The following RGS5 variants were observed in gnomAD, a reference collection of about 807,000 sequenced individuals.
RGS5 encodes the protein regulator of G protein signaling 5.
A neutral mutation model predicts 18.9 loss-of-function variants in RGS5; 20 were observed. The ratio of observed to expected loss-of-function variants is 1.06; its 90% CI spans 0.74 to 1.54. The LOEUF is 1.54. Ranked by LOEUF, RGS5 falls within the 40% of genes most tolerant of loss-of-function variation. The probability of loss-of-function intolerance (pLI) is 0.00; values close to 1 mark genes in which losing one functional copy is unlikely to be tolerated. For missense variants in RGS5, 201 were observed against 211.8 expected (o/e 0.95, Z 0.32); for synonymous variants, 57 against 76.2 (o/e 0.75, Z 1.31).
At chr1:163,215,542 G>T (rs1660197419) in intron 1 of RGS5, among the ~76,000 whole-genome samples, 1 of 152,108 alleles carries the variant, frequency 6.6e-6, no homozygotes, top group Non-Finnish European at 1.5e-5. Flanking sequence ...TACTTATAAA[G>T]GAGCAAATTA....
intron 1 of RGS5, among the ~76,000 whole-genome samples, chr1:163,182,108 G>A (rs1009053643): frequency 3.3e-5 from 5 of 152,034 alleles, no homozygotes; most frequent in African/African-American, 7.2e-5. Context: ...CCCTATCACC[G>A]TATCTTGCAT....
chr1:163,207,072 A>G (rs1571290584), upstream of RGS5, among the ~76,000 whole-genome samples: 2 of 152,166 alleles, frequency 1.3e-5, no homozygotes, highest in Non-Finnish European at 2.9e-5. Flanking sequence ...AATTCTCACA[A>G]CAAAAGCATG....
At chr1:163,167,754 T>C (rs1658115616) in intron 2 of RGS5, among the ~76,000 whole-genome samples, 1 of 152,220 alleles carries the variant, frequency 6.6e-6, no homozygotes. Flanking sequence ...TGAGGGGCAC[T>C]ATCTTGGAGA....
chr1:163,154,276 G>A (rs1657500179), intron 3 of RGS5, among the ~76,000 whole-genome samples: 2 of 152,026 alleles, frequency 1.3e-5, no homozygotes, highest in South Asian at 4.2e-4. Flanking sequence ...AAACAAAGAC[G>A]CTATATATAG....
chr1:163,272,911 G>A lies in RGS5; in HGVS notation c.-281+33322C>T, dbSNP rs534458707. ...TAAAAATTGACAGGTCAGGCACAGT[G>A]GCTCACACTCGTGGTTTTGTTTCCA... On this transcript the variant is annotated intron_variant, in intron 2 of 5. Transcript: ENST00000618415. Among the ~76,000 whole-genome samples, 58 of 152,074 alleles carry A rather than the reference G, an allele frequency of 3.8e-4. No individual in the cohort carries two copies. In the South Asian group the frequency reaches 0.012, roughly 31 times the overall value.
intron 3 of RGS5, among the ~76,000 whole-genome samples, chr1:163,161,143 G>C (rs764574097): frequency 6.6e-6 from 1 of 152,144 alleles, no homozygotes; most frequent in East Asian, 1.9e-4. Context: ...AAGAGAGAGA[G>C]ATATGAGTAA....
At chr1:163,208,112 G>GT (rs1330861088) in intron 1 of RGS5, among the ~76,000 whole-genome samples, 1 of 151,892 alleles carries the variant, frequency 6.6e-6, no homozygotes, top group Non-Finnish European at 1.5e-5. Flanking sequence ...GGTTAACAAA[G>GT]TGAGACCCCA....
At chr1:163,241,298 G>C (rs1255621111) in intron 2 of RGS5, among the ~76,000 whole-genome samples, 5 of 152,184 alleles carry the variant, frequency 3.3e-5, no homozygotes, top group Non-Finnish European at 7.3e-5. Context: ...GCTTGGCACA[G>C]AGCAGGTCTG....
intron 1 of RGS5, among the ~76,000 whole-genome samples, chr1:163,197,388 C>G (rs1392880919): frequency 6.6e-6 from 1 of 152,132 alleles, no homozygotes; most frequent in Non-Finnish European, 1.5e-5. Flanking sequence ...TAAATTCTTC[C>G]CTGCCCACTA....
chr1:163,187,821 G>T lies in RGS5; in HGVS notation c.44+14971C>A, dbSNP rs77754303. Among the ~76,000 whole-genome samples the T allele has an allele frequency of 7.7e-3, 1,176 of 152,260 alleles. 13 individuals carry two copies. Among genetic ancestry groups the T allele is most frequent in the African/African-American group, 0.026 (1,094 of 41,558 alleles). ...GCAAATTAACTGAACCCAAAGAGGG[G>T]TCCTGGGAACCTTAACTTGAAGCCA... On this transcript the variant is annotated intron_variant, in intron 1 of 4. Transcript: ENST00000313961.
At chr1:163,154,159 T>C (rs1287021055) in intron 3 of RGS5, among the ~76,000 whole-genome samples, 1 of 152,208 alleles carries the variant, frequency 6.6e-6, no homozygotes, top group Non-Finnish European at 1.5e-5. Context: ...TTGGCCTAAT[T>C]TTCATTTATT....
At chr1:163,170,832 G>A (rs550495356) in intron 1 of RGS5, among the ~76,000 whole-genome samples, 17 of 152,266 alleles carry the variant, frequency 1.1e-4, no homozygotes, top group African/African-American at 4.1e-4. Context: ...GGACTGTTCT[G>A]CCGAGGGAGC....
chr1:163,226,235 A>G (rs897966143), intron 2 of RGS5, among the ~76,000 whole-genome samples: 1 of 152,186 alleles, frequency 6.6e-6, no homozygotes, highest in Non-Finnish European at 1.5e-5. Context: ...TCAAAATCGC[A>G]AGTAATTTTA....
In RGS5 at chr1:163,144,146, G is replaced by C. The variant is rs1200536707; in HGVS notation, c.*3196C>G. On this transcript the variant is annotated 3_prime_UTR_variant, in exon 5 of 5. Coordinates refer to ENST00000313961, the MANE Select transcript of RGS5 (RefSeq NM_003617.4). ...TACATTTGACTTTATTGATTTGAAA[G>C]CAAAGTTACTGAAATGCCTCAGTTA... The C allele has an allele frequency of 6.6e-6, 1 of 152,086 alleles. No homozygotes were observed. The highest frequency in any genetic ancestry group is 1.5e-5 in the Non-Finnish European group (1 of 67,992). The allele number at this position is 152,086 out of a possible 1,614,324, so 9.4% of individuals were successfully genotyped here.
chr1:163,293,863 T>C (rs1175198185), intron 2 of RGS5, among the ~76,000 whole-genome samples: 1 of 152,184 alleles, frequency 6.6e-6, no homozygotes. Context: ...GCACTTTGTT[T>C]ATAAGTCTGA....
chr1:163,316,722 T>A (rs1185310622), intron 1 of RGS5, among the ~76,000 whole-genome samples: 3 of 152,244 alleles, frequency 2.0e-5, no homozygotes, highest in Non-Finnish European at 4.4e-5. Flanking sequence ...ATGTCATCTT[T>A]TTATTTCTCA....
chr1:163,239,352 G>A (rs1329959857), intron 2 of RGS5, among the ~76,000 whole-genome samples: 1 of 151,852 alleles, frequency 6.6e-6, no homozygotes, highest in African/African-American at 2.4e-5. Context: ...CAGGCGTGGT[G>A]GCCTGTGCCT....
chr1:163,161,625 T>C, intron 3 of RGS5: 1 of 289,010 alleles, frequency 3.5e-6, no homozygotes, highest in Non-Finnish European at 6.6e-6. Context: ...GTTGAGGAGG[T>C]CAAGCCACTT....
rs191173121 is a variant in RGS5 at position 163,148,160 on chromosome 1, C to T, written c.385-657G>A. 3.6e-4 allele frequency among the ~76,000 whole-genome samples: 55 copies of T among 152,142 alleles called. 1 individual carries two copies. In the East Asian group the frequency reaches 0.01, roughly 29 times the overall value. ...GAGGCTGGTCTCGAACTCCTGACCT[C>T]AGGTGATCTGCCTGCCTCGGCCTCC... On this transcript the variant is annotated intron_variant, in intron 4 of 4. Coordinates refer to ENST00000313961, the MANE Select transcript of RGS5 (RefSeq NM_003617.4).
Sources: allele counts gnomAD v4.1 joint callset (sites outside exome capture counted in the v4.1 genomes callset), GRCh38; gene constraint gnomAD v4.1.1; transcripts MANE v1.5; gene names NCBI Gene and HGNC (gene_info 2026-07-23, HGNC 2026-07-21).